SDK1: variants seen among roughly 807,000 people sequenced by gnomAD.
SDK1 encodes protein sidekick-1.
A neutral mutation model predicts 245.5 loss-of-function variants in SDK1; 157 were observed. That is an observed-to-expected ratio of 0.64 (90% confidence interval 0.56 to 0.73). The LOEUF (loss-of-function observed/expected upper bound fraction) is 0.73, where lower values mean the gene tolerates loss of function less well. Ranked by LOEUF, SDK1 falls within the 30% of genes least tolerant of loss-of-function variation. SDK1 has a pLI of 0.00. For missense variants in SDK1, 3,583 were observed against 3,002.3 expected, an observed-to-expected ratio of 1.19 and a Z score of -4.52; for synonymous variants, 1,647 against 1,278.5, an observed-to-expected ratio of 1.29 and a Z score of -6.15.
chr7:3,685,724 A>T (rs1233576208), intron 4 of SDK1, among the ~76,000 whole-genome samples: 3 of 152,210 alleles, frequency 2.0e-5, no homozygotes, highest in Non-Finnish European at 4.4e-5. Flanking sequence ...AGTATCATAT[A>T]TGTACATTGT....
chr7:4,117,898 G>T (rs939957401), intron 25 of SDK1, among the ~76,000 whole-genome samples: 35 of 152,184 alleles, frequency 2.3e-4, no homozygotes, highest in Admixed American at 2.2e-3. Flanking sequence ...TGCCTGCAGA[G>T]GTTTGACTGT....
chr7:3,356,751 T>G (rs1336337514), intron 1 of SDK1, among the ~76,000 whole-genome samples: 1 of 152,082 alleles, frequency 6.6e-6, no homozygotes, highest in Non-Finnish European at 1.5e-5. Context: ...CTGCGTTCTT[T>G]TGTACAAAAA....
intron 4 of SDK1, among the ~76,000 whole-genome samples, chr7:3,654,549 C>G (rs562488413): frequency 3.7e-4 from 57 of 152,304 alleles, no homozygotes; most frequent in Admixed American, 9.8e-4. Context: ...AGTTTGACAT[C>G]TACACCATCA....
intron 4 of SDK1, among the ~76,000 whole-genome samples, chr7:3,790,045 C>T (rs1370641130): frequency 1.3e-5 from 2 of 152,082 alleles, no homozygotes; most frequent in Non-Finnish European, 2.9e-5. Context: ...AGTTATTCAG[C>T]GGAGAAGTTG....
rs375083482 is a variant in SDK1, at chr7:4,020,253, G to A, written c.2602+2901G>A. Among the ~76,000 whole-genome samples, 51 of 152,290 alleles carry A rather than the reference G, an allele frequency of 3.3e-4. No homozygotes were observed. The South Asian group carries it at 3.5e-3, about 11-fold the overall frequency. On this transcript the variant is annotated intron_variant, in intron 17 of 44. Transcript: ENST00000404826. ...CTTGGACGTGGCTGGGGTCAGGCACGTGGCAGGCAGCAGGAAGGGTGGTCC... is the reference window on the plus strand; with the variant it reads ...CTTGGACGTGGCTGGGGTCAGGCACATGGCAGGCAGCAGGAAGGGTGGTCC...
At chr7:4,015,230 G>C (rs939036989) in intron 16 of SDK1, among the ~76,000 whole-genome samples, 16 of 152,178 alleles carry the variant, frequency 1.1e-4, no homozygotes, top group Non-Finnish European at 4.4e-5. Flanking sequence ...ACACCACCCA[G>C]CTTCTGAGTG....
intron 32 of SDK1, among the ~76,000 whole-genome samples, chr7:4,166,946 C>T (rs1781536068): frequency 6.6e-6 from 1 of 152,162 alleles, no homozygotes; most frequent in African/African-American, 2.4e-5. Flanking sequence ...AGAGGCTTTC[C>T]CTGCAGGTCC....
In SDK1 at chr7:4,149,365, C is replaced by T. The variant is rs1225380675; in HGVS notation, c.4527C>T (p.Ile1509=). ...CGGGCAGCGACGGGGCCTCCCCCAT[C>T]CGGTACTTCACCATGCAGGTGCGAG... The part of the protein sequence containing the change: ...WVPGSDGASP[I]RYFTMQVREL... Residue 1509 remains isoleucine, a synonymous_variant, in exon 30 of 45, where the codon ATC becomes ATT. Coordinates refer to ENST00000404826, the MANE Select transcript of SDK1 (RefSeq NM_152744.4). 1 of 1,592,914 alleles carries T rather than the reference C, an allele frequency of 6.3e-7. No individual in the cohort carries two copies.
At chr7:3,687,197 G>A (rs1784312787) in intron 4 of SDK1, among the ~76,000 whole-genome samples, 1 of 143,104 alleles carries the variant, frequency 7.0e-6, no homozygotes, top group African/African-American at 2.6e-5. Flanking sequence ...TTTTGAGATA[G>A]AGTCTCTCTC....
chr7:3,933,158 T>G, intron 5 of SDK1, among the ~76,000 whole-genome samples: 1 of 132,400 alleles, frequency 7.6e-6, no homozygotes. Flanking sequence ...TGAGACAGGC[T>G]GGAGTACAGT....
intron 1 of SDK1, among the ~76,000 whole-genome samples, chr7:3,545,983 C>G (rs1422374150): frequency 6.6e-6 from 1 of 152,102 alleles, no homozygotes; most frequent in African/African-American, 2.4e-5. Flanking sequence ...CTTTAGTAAC[C>G]TATTGATATT....
At chr7:4,125,356 G>A (rs1043135007) in intron 25 of SDK1, among the ~76,000 whole-genome samples, 1 of 151,270 alleles carries the variant, frequency 6.6e-6, no homozygotes, top group Non-Finnish European at 1.5e-5. Context: ...TGGATGGATG[G>A]ATGGATGGAT....
chr7:4,128,224 T>C (rs1432719256), intron 26 of SDK1, among the ~76,000 whole-genome samples: 1 of 152,046 alleles, frequency 6.6e-6, no homozygotes, highest in Non-Finnish European at 1.5e-5. Flanking sequence ...GCTCCCTGGG[T>C]TTTGAGCGTG....
At chr7:3,482,227 G>A (rs2128602447) in intron 1 of SDK1, among the ~76,000 whole-genome samples, 1 of 152,230 alleles carries the variant, frequency 6.6e-6, no homozygotes, top group South Asian at 2.1e-4. Flanking sequence ...AATATTAGAG[G>A]AGAGATGTAA....
chr7:3,941,191 C>T (rs1780355690), intron 5 of SDK1, among the ~76,000 whole-genome samples: 1 of 152,150 alleles, frequency 6.6e-6, no homozygotes, highest in African/African-American at 2.4e-5. Flanking sequence ...CCTTTGTCCC[C>T]TTCTGTCATA....
At chr7:3,386,501 T>C (rs755024297) in intron 1 of SDK1, among the ~76,000 whole-genome samples, 1 of 152,238 alleles carries the variant, frequency 6.6e-6, no homozygotes, top group Non-Finnish European at 1.5e-5. Flanking sequence ...AGAAGTAATT[T>C]CTAGTTTCTC....
At chr7:3,690,611 C>A (rs1345572760) in intron 4 of SDK1, among the ~76,000 whole-genome samples, 1 of 152,094 alleles carries the variant, frequency 6.6e-6, no homozygotes, top group Non-Finnish European at 1.5e-5. Flanking sequence ...CATAGTATAG[C>A]TTTTACAGAT....
chr7:3,628,176 C>T (rs1028511286), intron 2 of SDK1, among the ~76,000 whole-genome samples: 2 of 152,088 alleles, frequency 1.3e-5, no homozygotes, highest in Middle Eastern at 3.2e-3. Context: ...ACTGTTCTAT[C>T]AATTGGTGAG....
intron 17 of SDK1, among the ~76,000 whole-genome samples, chr7:4,032,376 C>G (rs923793047): frequency 1.3e-5 from 2 of 152,176 alleles, no homozygotes; most frequent in African/African-American, 4.8e-5. Context: ...CTCAAGCTCT[C>G]AAATCTGCAT....
Sources: gnomAD v4.1 joint callset for allele counts (sites outside exome capture counted in the v4.1 genomes callset) on GRCh38, gnomAD v4.1.1 for gene constraint, MANE v1.5 for transcripts, NCBI Gene and HGNC (gene_info 2026-07-23, HGNC 2026-07-21) for gene names.